TTLL11: variants seen among roughly 807,000 people sequenced by gnomAD.
The protein encoded by TTLL11 is tubulin tyrosine ligase like 11, also known as tubulin polyglutamylase TTLL11.
TTLL11 carries 42 observed loss-of-function variants against 51.7 expected under a neutral mutation model. That is an observed-to-expected ratio of 0.81 (90% CI 0.64 to 1.05). The LOEUF is 1.05. Among genes scored for constraint, TTLL11 ranks in the 50% least tolerant of loss-of-function variants. The pLI is 0.00. For missense variants in TTLL11, 799 were observed against 940.4 expected, an observed-to-expected ratio of 0.85 and a Z score of 1.97; for synonymous variants, 381 against 383.5, an observed-to-expected ratio of 0.99 and a Z score of 0.08.
chr9:122,023,517 C>T (rs1564362581), intron 3 of TTLL11, among the ~76,000 whole-genome samples: 2 of 151,814 alleles, frequency 1.3e-5, no homozygotes, highest in African/African-American at 4.8e-5. Context: ...AAACCAATAT[C>T]CCTCATGAAT....
At chr9:121,892,157 CAT>C (rs1839267174) in intron 6 of TTLL11, among the ~76,000 whole-genome samples, 1 of 146,124 alleles carries the variant, frequency 6.8e-6, no homozygotes, top group Non-Finnish European at 1.5e-5. Context: ...CATACATATA[CAT>C]ATATACACAG....
At chr9:121,867,235 T>C (rs1186536110) in intron 7 of TTLL11, among the ~76,000 whole-genome samples, 1 of 152,234 alleles carries the variant, frequency 6.6e-6, no homozygotes, top group Non-Finnish European at 1.5e-5. Flanking sequence ...ATTTTTCAAA[T>C]TGCCAACATT....
At chr9:121,923,258 T>C (rs1840602460) in intron 6 of TTLL11, among the ~76,000 whole-genome samples, 1 of 152,168 alleles carries the variant, frequency 6.6e-6, no homozygotes, top group African/African-American at 2.4e-5. Flanking sequence ...ACTAAGATGA[T>C]TATGAGGATT....
At chr9:121,940,836 T>C (rs1841431116) in intron 6 of TTLL11, among the ~76,000 whole-genome samples, 1 of 152,230 alleles carries the variant, frequency 6.6e-6, no homozygotes, top group Non-Finnish European at 1.5e-5. Context: ...TAATTTTAAT[T>C]AGATTACTAA....
chr9:122,075,544 A>C (rs1396330508), intron 1 of TTLL11, among the ~76,000 whole-genome samples: 1 of 152,264 alleles, frequency 6.6e-6, no homozygotes, highest in Non-Finnish European at 1.5e-5. Flanking sequence ...TTCTCTAAAC[A>C]CAGAGCATTT....
At chr9:121,983,604 T>C (rs984146957) in intron 4 of TTLL11, among the ~76,000 whole-genome samples, 2 of 152,068 alleles carry the variant, frequency 1.3e-5, no homozygotes, top group African/African-American at 4.8e-5. Flanking sequence ...TATCCTTCTA[T>C]CATATTCTGC....
chr9:121,856,667 C>G (rs182171682), intron 8 of TTLL11, among the ~76,000 whole-genome samples: 2 of 152,132 alleles, frequency 1.3e-5, no homozygotes, highest in African/African-American at 4.8e-5. Flanking sequence ...TGAATGAGTA[C>G]GTGTTCTTTG....
chr9:121,832,587 G>A (rs1421355772), intron 8 of TTLL11, among the ~76,000 whole-genome samples: 1 of 152,164 alleles, frequency 6.6e-6, no homozygotes, highest in Non-Finnish European at 1.5e-5. Flanking sequence ...ATGGCTGGTA[G>A]GTGGCAGACC....
chr9:121,829,920 G>A (rs1465599617), intron 8 of TTLL11, among the ~76,000 whole-genome samples: 2 of 151,872 alleles, frequency 1.3e-5, no homozygotes, highest in Admixed American at 1.3e-4. Flanking sequence ...CACCCTTCAT[G>A]GTGCTTCTTC....
intron 2 of TTLL11, among the ~76,000 whole-genome samples, chr9:122,035,814 A>T (rs1226886102): frequency 6.6e-6 from 1 of 152,148 alleles, no homozygotes; most frequent in African/African-American, 2.4e-5. Flanking sequence ...TGGCTTAAAA[A>T]TTCCTCAGTG....
intron 6 of TTLL11, among the ~76,000 whole-genome samples, chr9:121,914,899 G>C (rs1275822086): frequency 6.6e-6 from 1 of 152,190 alleles, no homozygotes; most frequent in African/African-American, 2.4e-5. Context: ...CTGTGCTCCT[G>C]GGGTCCTGCT....
chr9:122,090,006 G>A (rs1846217170), intron 1 of TTLL11, among the ~76,000 whole-genome samples: 1 of 150,436 alleles, frequency 6.6e-6, no homozygotes, highest in South Asian at 2.1e-4. Context: ...ATGCCAATGT[G>A]TTCTCTGAGT....
At position 122,012,678 on chromosome 9, in the gene TTLL11, G is replaced by GCACACA. The variant is rs375690929; in HGVS notation, c.693+19039_693+19044dup. 5.4e-4 allele frequency among the ~76,000 whole-genome samples: 77 copies of GCACACA among 142,636 alleles called. No individual in the cohort carries two copies. The Middle Eastern group carries it at 0.011, about 20-fold the overall frequency. 93.6% of individuals were successfully genotyped at this position (142,636 alleles called of 152,430 possible). On this transcript the variant is annotated intron_variant, in intron 3 of 8. Transcript: ENST00000321582. Reference sequence around the variant, plus strand: ...AAAATACACATACACACACACACACGCACACACACACACACACACACACAC... The same window carrying GCACACA: ...AAAATACACATACACACACACACACGCACACACACACACACACACACACACACACAC...
intron 6 of TTLL11, among the ~76,000 whole-genome samples, chr9:121,877,721 A>C (rs1470815628): frequency 6.6e-6 from 1 of 152,226 alleles, no homozygotes; most frequent in Admixed American, 6.5e-5. Flanking sequence ...TAATCTTGAT[A>C]AAATCCTATG....
intron 6 of TTLL11, among the ~76,000 whole-genome samples, chr9:121,889,303 T>C (rs1023413217): frequency 6.6e-6 from 1 of 151,906 alleles, no homozygotes; most frequent in African/African-American, 2.4e-5. Context: ...AGCTCTGGAG[T>C]TGGGCTGGAT....
chr9:121,891,970 C>CA (rs1839255690), intron 6 of TTLL11, among the ~76,000 whole-genome samples: 1 of 142,150 alleles, frequency 7.0e-6, no homozygotes, highest in Non-Finnish European at 1.5e-5. Flanking sequence ...ATATATATAT[C>CA]TTATATATCT....
At chr9:122,009,850 T>C (rs1843750062) in intron 3 of TTLL11, among the ~76,000 whole-genome samples, 1 of 152,022 alleles carries the variant, frequency 6.6e-6, no homozygotes, top group Non-Finnish European at 1.5e-5. Context: ...CTAAATCCAG[T>C]CCATGAAGGC....
At chr9:122,046,281 C>A (rs1208228401) in intron 1 of TTLL11, among the ~76,000 whole-genome samples, 4 of 152,036 alleles carry the variant, frequency 2.6e-5, no homozygotes, top group Non-Finnish European at 4.4e-5. Flanking sequence ...TAGCACCTCC[C>A]CTCCTTCTCT....
chr9:121,960,391 A>G (rs367841975), intron 6 of TTLL11, among the ~76,000 whole-genome samples: 47 of 152,264 alleles, frequency 3.1e-4, no homozygotes, highest in African/African-American at 1.0e-3. Context: ...AAATTTGTCA[A>G]TACAGCTATG....
Sources: gnomAD v4.1 joint callset for allele counts (sites outside exome capture counted in the v4.1 genomes callset) on GRCh38, gnomAD v4.1.1 for gene constraint, MANE v1.5 for transcripts, NCBI Gene and HGNC (gene_info 2026-07-23, HGNC 2026-07-21) for gene names.